FAM222B: variants seen among roughly 807,000 people sequenced by gnomAD.
FAM222B encodes the protein protein FAM222B.
In FAM222B, 12 loss-of-function variants were observed where a neutral mutation model predicts 38.0. The observed-to-expected ratio is 0.32, with a 90% CI of 0.20 to 0.51. FAM222B has a LOEUF of 0.51. FAM222B is among the 20% of genes least tolerant of loss of function. FAM222B has a pLI of 0.97. For synonymous variants in FAM222B, 329 were observed against 317.2 expected (o/e 1.04, Z -0.40); for missense variants, 716 against 754.2 (o/e 0.95, Z 0.59).
intron 1 of FAM222B, among the ~76,000 whole-genome samples, chr17:28,847,801 C>G (rs920035420): frequency 6.6e-6 from 1 of 151,606 alleles, no homozygotes; most frequent in African/African-American, 2.4e-5. Context: ...ATAGTCCCAG[C>G]TACTCCGGAG....
chr17:28,784,315 A>C (rs2151849787), intron 1 of FAM222B, among the ~76,000 whole-genome samples: 1 of 151,600 alleles, frequency 6.6e-6, no homozygotes, highest in South Asian at 2.1e-4. Flanking sequence ...CTCTTTAAAA[A>C]CTTTTAAAAA....
At chr17:28,801,472 A>G (rs2037226106) in intron 1 of FAM222B, among the ~76,000 whole-genome samples, 1 of 149,682 alleles carries the variant, frequency 6.7e-6, no homozygotes, top group Admixed American at 6.7e-5. Context: ...AAAAAAAAAG[A>G]AAAGAAAAAG....
At chr17:28,820,529 T>C (rs1308912011) in intron 1 of FAM222B, among the ~76,000 whole-genome samples, 1 of 152,122 alleles carries the variant, frequency 6.6e-6, no homozygotes, top group African/African-American at 2.4e-5. Flanking sequence ...ATGCTATAAA[T>C]ATAGACACAA....
chr17:28,825,940 A>G (rs958259041), intron 1 of FAM222B, among the ~76,000 whole-genome samples: 41 of 151,844 alleles, frequency 2.7e-4, no homozygotes, highest in African/African-American at 8.7e-4. Context: ...ATGCCCGCCT[A>G]ATTTTTGTAT....
chr17:28,818,125 G>A (rs1452816390), intron 1 of FAM222B, among the ~76,000 whole-genome samples: 2 of 152,108 alleles, frequency 1.3e-5, no homozygotes, highest in Non-Finnish European at 2.9e-5. Context: ...TTGGGAGGCT[G>A]AGGTGGGAGG....
intron 1 of FAM222B, among the ~76,000 whole-genome samples, chr17:28,840,341 G>C (rs2038994808): frequency 6.6e-6 from 1 of 152,084 alleles, no homozygotes; most frequent in Non-Finnish European, 1.5e-5. Context: ...ACTCCAGCCT[G>C]GGCGACAGAA....
At chr17:28,833,231 C>A (rs2152616602) in intron 1 of FAM222B, among the ~76,000 whole-genome samples, 2 of 151,144 alleles carry the variant, frequency 1.3e-5, no homozygotes. Context: ...ATACCTTGAA[C>A]CCAGGAAGTG....
chr17:28,785,701 ATTTT>A (rs913829381), intron 1 of FAM222B, among the ~76,000 whole-genome samples: 3 of 138,486 alleles, frequency 2.2e-5, no homozygotes, highest in African/African-American at 5.3e-5. Flanking sequence ...ATGCCCGGCT[ATTTT>A]TTTTTTTTTT....
intron 1 of FAM222B, among the ~76,000 whole-genome samples, chr17:28,832,757 G>C (rs1175654407): frequency 6.6e-6 from 1 of 152,110 alleles, no homozygotes; most frequent in African/African-American, 2.4e-5. Context: ...ACATAAGTCT[G>C]TTTTGAATGA....
intron 1 of FAM222B, among the ~76,000 whole-genome samples, chr17:28,793,829 T>A (rs1466826064): frequency 6.8e-6 from 1 of 146,590 alleles, no homozygotes; most frequent in Non-Finnish European, 1.5e-5. Flanking sequence ...CACTGCAACC[T>A]CCACCTCCTG....
upstream of FAM222B, among the ~76,000 whole-genome samples, chr17:28,845,577 C>CAA (rs573364385): frequency 3.9e-5 from 5 of 128,906 alleles, no homozygotes; most frequent in East Asian, 4.4e-4. Context: ...GACTCTGTCT[C>CAA]AAAAAAAAAA....
In FAM222B at chr17:28,756,939, AAAT is replaced by A. The variant is rs1245820243; in HGVS notation, c.*1328_*1330del. On this transcript the variant is annotated 3_prime_UTR_variant, in exon 3 of 3. Transcript: ENST00000581407. ...GGTAAGGGCTTATTTCATCTGTAAA[AAAT>A]AAAAAAGCCCAATTCTGCATCTTTA... is the stretch of plus-strand genomic sequence containing the variant. The A allele has an allele frequency of 6.6e-6, 1 of 152,426 alleles. No homozygotes were observed. Among genetic ancestry groups the A allele is most frequent in the Non-Finnish European group, 1.5e-5 (1 of 68,034 alleles). The allele number at this position is 152,426 out of a possible 1,614,324, so 9.4% of individuals were successfully genotyped here.
At chr17:28,793,452 G>C (rs1210710693) in intron 1 of FAM222B, among the ~76,000 whole-genome samples, 3 of 152,066 alleles carry the variant, frequency 2.0e-5, no homozygotes, top group South Asian at 4.1e-4. Context: ...ACCCACTATA[G>C]CTAGCTTCTC....
chr17:28,841,889 C>T (rs545158712), intron 1 of FAM222B, among the ~76,000 whole-genome samples: 55 of 152,178 alleles, frequency 3.6e-4, no homozygotes, highest in African/African-American at 1.1e-3. Flanking sequence ...ACATGGTCTG[C>T]TGTGCCCATA....
intron 1 of FAM222B, among the ~76,000 whole-genome samples, chr17:28,779,790 ATAAAG>A (rs1445798362): frequency 6.6e-6 from 1 of 151,620 alleles, no homozygotes; most frequent in East Asian, 1.9e-4. Context: ...AAATAAATAA[ATAAAG>A]CATCTGACAA....
chr17:28,810,024 TCTCA>T (rs2037678212), intron 1 of FAM222B, among the ~76,000 whole-genome samples: 1 of 151,742 alleles, frequency 6.6e-6, no homozygotes, highest in Non-Finnish European at 1.5e-5. Context: ...TGAGACAGGG[TCTCA>T]CTGTGTCACC....
At chr17:28,764,225 T>C (rs1165140806) in intron 2 of FAM222B, among the ~76,000 whole-genome samples, 2 of 145,294 alleles carry the variant, frequency 1.4e-5, no homozygotes, top group Non-Finnish European at 3.0e-5. Context: ...TGAACCGAGA[T>C]TGCGCCACTG....
intron 1 of FAM222B, among the ~76,000 whole-genome samples, chr17:28,850,065 C>G (rs2152637805): frequency 6.6e-6 from 1 of 152,080 alleles, no homozygotes; most frequent in Non-Finnish European, 1.5e-5. Context: ...ACCTGGCCAA[C>G]AAGAGTGAAA....
chr17:28,813,127 C>CAA (rs201479723), intron 1 of FAM222B, among the ~76,000 whole-genome samples: 11 of 43,504 alleles, frequency 2.5e-4, no homozygotes, highest in Non-Finnish European at 3.1e-4. Flanking sequence ...TCATCAGACA[C>CAA]AAAAAAAAAA....
Sources: allele counts gnomAD v4.1 joint callset (sites outside exome capture counted in the v4.1 genomes callset), GRCh38; gene constraint gnomAD v4.1.1; transcripts MANE v1.5; gene names NCBI Gene and HGNC (gene_info 2026-07-23, HGNC 2026-07-21).